Variants in NCOA2 observed in about 807,000 individuals in gnomAD.
NCOA2 encodes nuclear receptor coactivator 2.
In NCOA2, 21 loss-of-function variants were observed where a neutral mutation model predicts 145.1. The observed-to-expected ratio is 0.14, with a 90% CI of 0.10 to 0.21. NCOA2 has a LOEUF of 0.21. Among genes scored for constraint, NCOA2 ranks in the 10% least tolerant of loss-of-function variants. NCOA2 has a pLI of 1.00. For missense variants in NCOA2, 1,472 were observed against 1,837.6 expected, an observed-to-expected ratio of 0.80 and a Z score of 3.64; for synonymous variants, 619 against 637.5, an observed-to-expected ratio of 0.97 and a Z score of 0.44.
intron 1 of NCOA2, among the ~76,000 whole-genome samples, chr8:70,401,150 C>T (rs1814204134): frequency 6.6e-6 from 1 of 152,038 alleles, no homozygotes; most frequent in African/African-American, 2.4e-5. Context: ...CAGCTGCTTT[C>T]TTTTTAAAAG....
chr8:70,367,532 T>C (rs971378911), intron 1 of NCOA2, among the ~76,000 whole-genome samples: 1 of 152,206 alleles, frequency 6.6e-6, no homozygotes, highest in Non-Finnish European at 1.5e-5. Context: ...TTGGAGTTAC[T>C]GCACAGAGGG....
At chr8:70,324,081 C>CT (rs1481235088) in intron 1 of NCOA2, among the ~76,000 whole-genome samples, 1 of 152,148 alleles carries the variant, frequency 6.6e-6, no homozygotes, top group East Asian at 1.9e-4. Context: ...TTTTTCAAGA[C>CT]TGACATGTAT....
chr8:70,214,534 A>G (rs72663951), intron 3 of NCOA2, among the ~76,000 whole-genome samples: 1,951 of 152,376 alleles, frequency 0.013, 20 homozygotes, highest in Middle Eastern at 0.044. Context: ...TAAAAAATAA[A>G]ACCAGATATT....
chr8:70,253,224 T>C (rs982892967), intron 2 of NCOA2, among the ~76,000 whole-genome samples: 1 of 152,192 alleles, frequency 6.6e-6, no homozygotes, highest in Non-Finnish European at 1.5e-5. Flanking sequence ...GCCATAGTAA[T>C]AGTTTATAAT....
intron 1 of NCOA2, among the ~76,000 whole-genome samples, chr8:70,382,709 T>C (rs891138892): frequency 2.0e-5 from 3 of 152,350 alleles, no homozygotes; most frequent in South Asian, 2.1e-4. Context: ...AGATGATCAA[T>C]TGGTGGGTAC....
intron 4 of NCOA2, among the ~76,000 whole-genome samples, chr8:70,185,890 C>T (rs1353485627): frequency 2.0e-5 from 3 of 152,086 alleles, no homozygotes; most frequent in African/African-American, 7.2e-5. Flanking sequence ...CAGAGTTTAC[C>T]ATTTCTTGTG....
intron 2 of NCOA2, among the ~76,000 whole-genome samples, chr8:70,281,877 C>T (rs1825909919): frequency 6.6e-6 from 1 of 152,194 alleles, no homozygotes; most frequent in African/African-American, 2.4e-5. Context: ...CCACTATCAC[C>T]ACCAAATGTG....
intron 3 of NCOA2, among the ~76,000 whole-genome samples, chr8:70,215,965 G>T (rs1819584848): frequency 6.6e-6 from 1 of 151,838 alleles, no homozygotes. Context: ...CTTTATCCTA[G>T]CTGAACTGTG....
chr8:70,254,858 G>T (rs1823507551), intron 2 of NCOA2, among the ~76,000 whole-genome samples: 1 of 151,850 alleles, frequency 6.6e-6, no homozygotes, highest in Admixed American at 6.6e-5. Flanking sequence ...TGGTTAAAAG[G>T]GTCAATTTTA....
intron 7 of NCOA2, 25 bp from the exon 8 acceptor site, chr8:70,163,591 A>G (rs747245119): frequency 4.4e-6 from 7 of 1,577,164 alleles, no homozygotes; most frequent in Non-Finnish European, 6.1e-6. Flanking sequence ...GTTTACATTT[A>G]TCATATTGGG....
rs76249265 is a variant in NCOA2, at chr8:70,222,548, A to G, written c.-19-5784T>C. 1.9e-3 allele frequency among the ~76,000 whole-genome samples: 286 copies of G among 152,338 alleles called. 1 individual carries two copies. The highest frequency in any genetic ancestry group is 3.2e-3 in the Non-Finnish European group (217 of 68,032). ...GCCTTAAAGTGGTATATTAGACAGT[A>G]ACTAGAAGACATATTCCATTTTCTG... On this transcript the variant is annotated intron_variant, in intron 2 of 22. Coordinates refer to ENST00000452400, the MANE Select transcript of NCOA2 (RefSeq NM_006540.4).
At chr8:70,153,761 T>G (rs1812006985) in intron 11 of NCOA2, among the ~76,000 whole-genome samples, 1 of 152,196 alleles carries the variant, frequency 6.6e-6, no homozygotes, top group Non-Finnish European at 1.5e-5. Flanking sequence ...ATTCAAGACA[T>G]TGCTATTAAT....
At chr8:70,420,737 T>A in the NCOA2 span, among the ~76,000 whole-genome samples, 3 of 152,140 alleles carry the variant, frequency 2.0e-5, no homozygotes, top group Admixed American at 2.0e-4. Flanking sequence ...CTCCACCTCC[T>A]GGTTTCAAGT....
chr8:70,339,534 T>C (rs978990187), intron 1 of NCOA2, among the ~76,000 whole-genome samples: 3 of 152,130 alleles, frequency 2.0e-5, no homozygotes, highest in Non-Finnish European at 2.9e-5. Context: ...TTCAATGATA[T>C]TCCCATTAAA....
At chr8:70,167,175 G>A (rs1353465329) in intron 6 of NCOA2, among the ~76,000 whole-genome samples, 1 of 152,156 alleles carries the variant, frequency 6.6e-6, no homozygotes, top group East Asian at 1.9e-4. Flanking sequence ...TCTAATTTTA[G>A]ATAAGTCAGC....
intron 15 of NCOA2, among the ~76,000 whole-genome samples, chr8:70,137,054 C>CT (rs1247954904): frequency 6.6e-6 from 1 of 152,178 alleles, no homozygotes; most frequent in Non-Finnish European, 1.5e-5. Context: ...CATGCTGACT[C>CT]TATCACTGGA....
intron 22 of NCOA2, among the ~76,000 whole-genome samples, chr8:70,119,685 T>C (rs953073184): frequency 3.3e-5 from 5 of 152,218 alleles, no homozygotes; most frequent in Non-Finnish European, 7.3e-5. Flanking sequence ...TTCCCTTTTT[T>C]ACTCTATCTT....
At chr8:70,429,451 T>G in the NCOA2 span, among the ~76,000 whole-genome samples, 1 of 152,254 alleles carries the variant, frequency 6.6e-6, no homozygotes, top group South Asian at 2.1e-4. Context: ...TTTTTCTTTC[T>G]GCTTCCCTTC....
chr8:70,334,534 C>T (rs1346395375), intron 1 of NCOA2, among the ~76,000 whole-genome samples: 1 of 152,178 alleles, frequency 6.6e-6, no homozygotes, highest in African/African-American at 2.4e-5. Flanking sequence ...GCATATCACT[C>T]GACTCTCTGT....
Sources: allele counts gnomAD v4.1 joint callset (sites outside exome capture counted in the v4.1 genomes callset), GRCh38; gene constraint gnomAD v4.1.1; transcripts MANE v1.5; gene names NCBI Gene and HGNC (gene_info 2026-07-23, HGNC 2026-07-21).